Variants in PMS1 observed in about 807,000 individuals in gnomAD.
The protein encoded by PMS1 is PMS1 protein homolog 1.
A neutral mutation model predicts 93.1 loss-of-function variants in PMS1; 79 were observed. The ratio of observed to expected loss-of-function variants is 0.85; its 90% CI spans 0.71 to 1.02. The LOEUF is 1.02. PMS1 is among the 50% of genes least tolerant of loss of function. The probability of loss-of-function intolerance (pLI) is 0.00; values close to 1 mark genes in which losing one functional copy is unlikely to be tolerated. For missense variants in PMS1, 1,064 were observed against 1,085.3 expected, an observed-to-expected ratio of 0.98 and a Z score of 0.28; for synonymous variants, 335 against 363.4, an observed-to-expected ratio of 0.92 and a Z score of 0.89.
intron 6 of PMS1, among the ~76,000 whole-genome samples, chr2:189,844,796 C>T (rs1220991546): frequency 1.3e-5 from 2 of 151,752 alleles, no homozygotes; most frequent in Admixed American, 6.6e-5. Context: ...TTACTCCTTC[C>T]TCTTTCAGTC....
At chr2:189,817,096 A>G (rs529864167) in intron 4 of PMS1, among the ~76,000 whole-genome samples, 21 of 152,228 alleles carry the variant, frequency 1.4e-4, no homozygotes, top group Admixed American at 3.9e-4. Context: ...GGAGGATGCT[A>G]CTGGCATCTA....
At chr2:189,847,700 G>A (rs2054367078) in intron 6 of PMS1, among the ~76,000 whole-genome samples, 1 of 152,068 alleles carries the variant, frequency 6.6e-6, no homozygotes, top group Non-Finnish European at 1.5e-5. Context: ...ATCTAATTGG[G>A]AACAGGGTGT....
At position 189,854,870 on chromosome 2, in the gene PMS1, A is replaced by G; in HGVS notation, c.1598A>G (p.Tyr533Cys). 6.2e-7 allele frequency: 1 copy of G among 1,609,186 alleles called. No individual in the cohort carries two copies. The highest frequency in any genetic ancestry group is 8.5e-7 in the Non-Finnish European group (1 of 1,175,922). The change falls in exon 9 of 13, where the codon TAT becomes TGT. Residue 533 changes from tyrosine to cysteine, a missense_variant. Transcript: ENST00000441310. ...SLPCKVSNNN[Y>C]PIPEQMNLNE... ...CCATGTAAAGTAAGTAATAATAATTATCCAATCCCTGAACAAATGAATCTT... is the reference window on the plus strand; with the variant it reads ...CCATGTAAAGTAAGTAATAATAATTGTCCAATCCCTGAACAAATGAATCTT...
At chr2:189,788,524 C>T (rs1230785499) in intron 1 of PMS1, among the ~76,000 whole-genome samples, 1 of 152,144 alleles carries the variant, frequency 6.6e-6, no homozygotes, top group African/African-American at 2.4e-5. Context: ...TAGGATAAAA[C>T]CAAAGTAGTG....
At chr2:189,786,023 G>T (rs1344735518) in intron 1 of PMS1, among the ~76,000 whole-genome samples, 1 of 152,128 alleles carries the variant, frequency 6.6e-6, no homozygotes, top group Non-Finnish European at 1.5e-5. Context: ...TACTTGCAGG[G>T]CTGGGACAGG....
rs1279044121 is a variant in PMS1, at chr2:189,854,547, T to G, written c.1275T>G (p.Ile425Met). Residue 425 changes from isoleucine to methionine, a missense_variant, in exon 9 of 13, where the codon ATT becomes ATG. By Grantham distance (10) the Ile-to-Met change is conservative (BLOSUM62 1). Transcript: ENST00000441310. ...DFGYGHCSSE[I>M]SNIDKNTKNA... is the part of the protein sequence containing the mutation. ...GTTATGGTCATTGTAGTAGTGAAAT[T>G]TCTAACATTGATAAAAACACTAAGA... The G allele has an allele frequency of 1.1e-5, 18 of 1,613,378 alleles. No homozygotes were observed. In the Admixed American group the frequency reaches 3.0e-4, roughly 27 times the overall value.
At chr2:189,869,765 CA>C (rs907967767) in intron 11 of PMS1, among the ~76,000 whole-genome samples, 6 of 150,124 alleles carry the variant, frequency 4.0e-5, no homozygotes, top group Admixed American at 2.0e-4. Context: ...TGCAGTGAGC[CA>C]AGATCACGCC....
intron 1 of PMS1, among the ~76,000 whole-genome samples, chr2:189,788,574 G>A (rs2048572185): frequency 6.6e-6 from 1 of 152,020 alleles, no homozygotes; most frequent in Non-Finnish European, 1.5e-5. Context: ...GCTCTATCCA[G>A]CACTGTTCAA....
rs2106212776 is a variant in PMS1, at chr2:189,791,848, A to G, written c.39A>G (p.Ser13=). ...CTGCGGCAACAGTTCGACTCCTTTC[A>G]AGTTCTCAGATCATCACTTCGGTGG... The part of the protein sequence containing the change: ...QLPAATVRLL[S]SSQIITSVVS... Residue 13 remains serine, a synonymous_variant, in exon 2 of 13, where the codon TCA becomes TCG. Transcript: ENST00000441310. 1 of 1,614,006 alleles carries G rather than the reference A, an allele frequency of 6.2e-7. No individual in the cohort carries two copies. The highest frequency in any genetic ancestry group is 8.5e-7 in the Non-Finnish European group (1 of 1,179,868).
chr2:189,809,040 A>G (rs961650963), intron 4 of PMS1, among the ~76,000 whole-genome samples: 86 of 152,298 alleles, frequency 5.6e-4, no homozygotes, highest in Admixed American at 2.2e-3. Flanking sequence ...AGTAGTATTT[A>G]AAGGGCTGTG....
chr2:189,873,684 T>G, intron 12 of PMS1, 28 bp downstream of exon 12: 1 of 1,539,442 alleles, frequency 6.5e-7, no homozygotes, highest in Non-Finnish European at 9.0e-7. Context: ...TATATGTTAT[T>G]GTATACAGGG....
intron 5 of PMS1, among the ~76,000 whole-genome samples, chr2:189,819,957 A>C (rs1445063417): frequency 6.6e-6 from 1 of 152,218 alleles, no homozygotes; most frequent in African/African-American, 2.4e-5. Flanking sequence ...AAGGAAAGAA[A>C]GGTTTATATA....
intron 5 of PMS1, among the ~76,000 whole-genome samples, chr2:189,834,497 T>A (rs2053221215): frequency 6.6e-6 from 1 of 152,216 alleles, no homozygotes; most frequent in Non-Finnish European, 1.5e-5. Flanking sequence ...AAATTATGTT[T>A]AATTGTTGTT....
At chr2:189,822,992 C>T (rs955505691) in intron 5 of PMS1, among the ~76,000 whole-genome samples, 14 of 152,090 alleles carry the variant, frequency 9.2e-5, no homozygotes, top group African/African-American at 3.1e-4. Flanking sequence ...ATGACATCTA[C>T]GAGATTACTT....
intron 6 of PMS1, among the ~76,000 whole-genome samples, chr2:189,852,176 T>A (rs2054808577): frequency 6.6e-6 from 1 of 152,072 alleles, no homozygotes. Context: ...TTTTTTTTTT[T>A]AACTCAGAAA....
intron 5 of PMS1, among the ~76,000 whole-genome samples, chr2:189,828,335 A>C (rs1296996920): frequency 6.6e-6 from 1 of 152,244 alleles, no homozygotes; most frequent in Non-Finnish European, 1.5e-5. Context: ...GTCATCACAA[A>C]GAAATGAGAA....
intron 7 of PMS1, 65 bp from the exon 8 acceptor site, chr2:189,853,874 C>T (rs2055046102): frequency 3.9e-6 from 4 of 1,022,424 alleles, no homozygotes; most frequent in African/African-American, 1.6e-5. Context: ...GTTGAATTTG[C>T]TGGGTTTTAT....
intron 5 of PMS1, among the ~76,000 whole-genome samples, chr2:189,820,091 A>G (rs1291225875): frequency 6.6e-6 from 1 of 152,258 alleles, no homozygotes; most frequent in Admixed American, 6.5e-5. Context: ...GGCCTACACA[A>G]TGCCAGGACC....
chr2:189,847,688 A>G (rs2054366296), intron 6 of PMS1, among the ~76,000 whole-genome samples: 1 of 152,036 alleles, frequency 6.6e-6, no homozygotes, highest in Non-Finnish European at 1.5e-5. Context: ...CATGAATAGG[A>G]AATCTAATTG....
Sources: gnomAD v4.1 joint callset for allele counts (sites outside exome capture counted in the v4.1 genomes callset) on GRCh38, gnomAD v4.1.1 for gene constraint, MANE v1.5 for transcripts, NCBI Gene and HGNC (gene_info 2026-07-23, HGNC 2026-07-21) for gene names.